The following TBC1D30 variants were observed in gnomAD, a reference collection of about 807,000 sequenced individuals.
TBC1D30 encodes the protein TBC1 domain family member 30, also known as TBC1 domain family, member 30.
A neutral mutation model predicts 63.2 loss-of-function variants in TBC1D30; 31 were observed. That is an observed-to-expected ratio of 0.49 (90% confidence interval 0.37 to 0.66). TBC1D30 has a LOEUF of 0.66. Ranked by LOEUF, TBC1D30 falls within the 30% of genes least tolerant of loss-of-function variation. The pLI is 0.00. For missense variants in TBC1D30, 810 were observed against 953.6 expected (o/e 0.85, Z 1.98); for synonymous variants, 307 against 361.5 (o/e 0.85, Z 1.71).
chr12:64,823,068 G>A (rs901424887), upstream of TBC1D30, among the ~76,000 whole-genome samples: 2 of 151,870 alleles, frequency 1.3e-5, no homozygotes, highest in Non-Finnish European at 2.9e-5. Context: ...GTTCATACTA[G>A]TGTTTCCCAT....
chr12:64,825,075 G>T, intron 1 of TBC1D30, 42 bp downstream of exon 1: 1 of 1,507,384 alleles, frequency 6.6e-7, no homozygotes, highest in Middle Eastern at 2.3e-4. Context: ...GTAAAGTAGC[G>T]CCGGGGCTGC....
upstream of TBC1D30, among the ~76,000 whole-genome samples, chr12:64,780,497 A>G (rs1871208587): frequency 1.3e-5 from 2 of 152,184 alleles, no homozygotes; most frequent in Admixed American, 6.5e-5. Flanking sequence ...CTTCTTCCCA[A>G]CGGTGTTCTG....
chr12:64,806,875 G>C (rs1872903558), intron 2 of TBC1D30, among the ~76,000 whole-genome samples: 1 of 152,234 alleles, frequency 6.6e-6, no homozygotes, highest in Non-Finnish European at 1.5e-5. Context: ...ACTGACACAT[G>C]CTGTGACATG....
intron 8 of TBC1D30, 79 bp from the exon 9 acceptor site, chr12:64,864,589 A>C (rs1046143519): frequency 1.3e-4 from 128 of 1,003,608 alleles, no homozygotes; most frequent in Non-Finnish European, 1.8e-4. Context: ...ACTTCATAAA[A>C]CTTTAATGTC....
chr12:64,793,754 C>T (rs1021412144), intron 2 of TBC1D30, among the ~76,000 whole-genome samples: 7 of 152,118 alleles, frequency 4.6e-5, no homozygotes, highest in South Asian at 2.1e-4. Flanking sequence ...AAAGATGGTC[C>T]GGCAGCAGGA....
At chr12:64,791,138 A>G (rs1463026436) in intron 2 of TBC1D30, among the ~76,000 whole-genome samples, 2 of 152,246 alleles carry the variant, frequency 1.3e-5, no homozygotes, top group Admixed American at 6.5e-5. Flanking sequence ...ATGTTACATC[A>G]TGGATAAACC....
At chr12:64,793,585 T>A (rs1057200921) in intron 2 of TBC1D30, among the ~76,000 whole-genome samples, 1 of 151,722 alleles carries the variant, frequency 6.6e-6, no homozygotes, top group Non-Finnish European at 1.5e-5. Flanking sequence ...GCTTAAAACC[T>A]GGGAGGCGGA....
At chr12:64,784,886 G>C (rs12299729) in intron 1 of TBC1D30, among the ~76,000 whole-genome samples, 1 of 151,224 alleles carries the variant, frequency 6.6e-6, no homozygotes, top group Admixed American at 6.6e-5. Flanking sequence ...AAAAAAAACT[G>C]CTGTTGTGAA....
intron 8 of TBC1D30, among the ~76,000 whole-genome samples, chr12:64,843,873 CCT>C (rs1250844011): frequency 1.3e-5 from 2 of 152,214 alleles, no homozygotes; most frequent in African/African-American, 4.8e-5. Flanking sequence ...CTCACTGTAG[CCT>C]CTGTCTCCTG....
intron 2 of TBC1D30, among the ~76,000 whole-genome samples, chr12:64,818,097 T>A (rs1873658726): frequency 6.6e-6 from 1 of 151,268 alleles, no homozygotes; most frequent in African/African-American, 2.4e-5. Context: ...TGGCTTGGTG[T>A]AAGGTTGGGG....
At chr12:64,830,256 C>A in intron 3 of TBC1D30, 121 bp from the exon 4 acceptor site, 2 of 928,790 alleles carry the variant, frequency 2.2e-6, no homozygotes, top group Non-Finnish European at 3.1e-6. Context: ...TACTTATGAG[C>A]GATAGATAGC....
At chr12:64,805,018 T>C (rs1006707783) in intron 2 of TBC1D30, among the ~76,000 whole-genome samples, 6 of 151,814 alleles carry the variant, frequency 4.0e-5, no homozygotes, top group African/African-American at 1.5e-4. Flanking sequence ...CTGGCCAACA[T>C]GGTAAATCCC....
Position 64,828,523 on chromosome 12 carries a change from A to C in TBC1D30, c.282+14A>C, listed in dbSNP as rs774142433. ...TGGAGGAGAAAGGTAAGGAGGACTC[A>C]TAGGGCTAGAATACAGAAGGATCAT... On this transcript the variant is annotated intron_variant, in intron 3 of 11. Transcript: ENST00000539867. The C allele has an allele frequency of 1.1e-5, 17 of 1,519,018 alleles. No homozygotes were observed. In the Admixed American group the frequency reaches 2.0e-4, roughly 18 times the overall value. 94.1% of individuals were successfully genotyped at this position (1,519,018 alleles called of 1,614,324 possible).
At chr12:64,763,578 C>A (rs1268982969) in intron 1 of TBC1D30, among the ~76,000 whole-genome samples, 1 of 150,966 alleles carries the variant, frequency 6.6e-6, no homozygotes, top group Non-Finnish European at 1.5e-5. Flanking sequence ...CTTTCTCATT[C>A]ATCTTTATCA....
At chr12:64,828,813 A>G (rs940194897) in intron 3 of TBC1D30, among the ~76,000 whole-genome samples, 26 of 152,152 alleles carry the variant, frequency 1.7e-4, no homozygotes, top group African/African-American at 6.3e-4. Flanking sequence ...GTAGAGAGAA[A>G]TAAAGAGCGT....
intron 1 of TBC1D30, among the ~76,000 whole-genome samples, chr12:64,760,980 A>C (rs572493456): frequency 6.6e-6 from 1 of 152,060 alleles, no homozygotes; most frequent in East Asian, 1.9e-4. Context: ...GGATCTTAAT[A>C]CTTTTTTTTT....
At chr12:64,780,945 G>A (rs931557970) in exon 1 of TBC1D30, 3 of 1,057,390 alleles carry the variant, frequency 2.8e-6, no homozygotes, top group Non-Finnish European at 3.5e-6. Flanking sequence ...CCGCGCCTCC[G>A]GGGAGCGGCG....
At chr12:64,866,728 T>C in intron 9 of TBC1D30, 36 bp from the exon 10 acceptor site, 1 of 1,525,772 alleles carries the variant, frequency 6.6e-7, no homozygotes, top group Non-Finnish European at 8.8e-7. Context: ...ATGGTTTTCT[T>C]TGTATATTTC....
intron 1 of TBC1D30, among the ~76,000 whole-genome samples, chr12:64,769,799 T>A (rs1490653503): frequency 2.6e-5 from 4 of 152,168 alleles, no homozygotes; most frequent in African/African-American, 7.2e-5. Flanking sequence ...GGATTACAGG[T>A]GTGAGCCACT....
Sources: allele counts gnomAD v4.1 joint callset (sites outside exome capture counted in the v4.1 genomes callset), GRCh38; gene constraint gnomAD v4.1.1; transcripts MANE v1.5; gene names NCBI Gene and HGNC (gene_info 2026-07-23, HGNC 2026-07-21).